CDH18: variants seen among roughly 807,000 people sequenced by gnomAD.
CDH18 encodes the protein cadherin-18.
CDH18 carries 31 observed loss-of-function variants against 67.9 expected under a neutral mutation model. The ratio of observed to expected loss-of-function variants is 0.46; its 90% confidence interval spans 0.34 to 0.62. The LOEUF (loss-of-function observed/expected upper bound fraction) is 0.62, where lower values mean the gene tolerates loss of function less well. Among genes scored for constraint, CDH18 ranks in the 20% least tolerant of loss-of-function variants. The probability of loss-of-function intolerance (pLI) is 0.01; values close to 1 mark genes in which losing one functional copy is unlikely to be tolerated. For missense variants in CDH18, 890 were observed against 975.5 expected (o/e 0.91, Z 1.17); for synonymous variants, 362 against 347.2 (o/e 1.04, Z -0.48).
intron 5 of CDH18, among the ~76,000 whole-genome samples, chr5:19,698,454 T>A (rs189626643): frequency 1.2e-4 from 19 of 152,210 alleles, no homozygotes; most frequent in African/African-American, 4.6e-4. Flanking sequence ...GGATCTTGAC[T>A]ATATCAAAAG....
rs985797421 is a variant in CDH18, at chr5:19,472,241, C to T, written c.*985G>A. Among the ~76,000 whole-genome samples, 1 of 152,102 alleles carries T rather than the reference C, an allele frequency of 6.6e-6. No individual in the cohort carries two copies. Among genetic ancestry groups the T allele is most frequent in the African/African-American group, 2.4e-5 (1 of 41,428 alleles). On this transcript the variant is annotated 3_prime_UTR_variant, in exon 13 of 13. Coordinates refer to ENST00000382275, the MANE Select transcript of CDH18 (RefSeq NM_004934.5). ...TGTGTGAGGTACTTATTTTTAATTA[C>T]TGCTCGTGTTGAAAATAAGTGAATT... is the stretch of plus-strand genomic sequence containing the variant.
intron 2 of CDH18, among the ~76,000 whole-genome samples, chr5:20,048,745 T>C (rs1379052197): frequency 6.6e-6 from 1 of 151,608 alleles, no homozygotes; most frequent in African/African-American, 2.4e-5. Flanking sequence ...AGATATTCAA[T>C]AAATCTTCTG....
chr5:20,388,803 T>C (rs1744553039), intron 1 of CDH18, among the ~76,000 whole-genome samples: 1 of 152,218 alleles, frequency 6.6e-6, no homozygotes, highest in Non-Finnish European at 1.5e-5. Context: ...GATTTCGTTA[T>C]GTACCCAGTA....
chr5:20,525,801 TACACACACACACACACAC>T (rs61256041), intron 1 of CDH18, among the ~76,000 whole-genome samples: 3 of 148,938 alleles, frequency 2.0e-5, no homozygotes, highest in South Asian at 4.2e-4. Context: ...GCTTCCACTA[TACACACACACACACACAC>T]ACACACACAC....
In CDH18 at chr5:19,753,936, T is replaced by A. The variant is rs139963671; in HGVS notation, c.229-6700A>T. 1.7e-3 allele frequency among the ~76,000 whole-genome samples: 258 copies of A among 152,250 alleles called. 4 individuals carry two copies. The East Asian group carries it at 0.039, about 23-fold the overall frequency. ...TTCAGAAAAACAAATGCTGAGAGAATTTGTCACTACCAAGCCACCACTACA... is the reference window on the plus strand; with the variant it reads ...TTCAGAAAAACAAATGCTGAGAGAAATTGTCACTACCAAGCCACCACTACA... On this transcript the variant is annotated intron_variant, in intron 3 of 12. Transcript: ENST00000382275.
chr5:20,151,137 T>C (rs1345772867), intron 2 of CDH18, among the ~76,000 whole-genome samples: 1 of 152,004 alleles, frequency 6.6e-6, no homozygotes, highest in African/African-American at 2.4e-5. Context: ...AGTTTTTCAA[T>C]TCATACCCCC....
intron 5 of CDH18, among the ~76,000 whole-genome samples, chr5:19,685,441 C>G (rs1406519896): frequency 2.0e-5 from 3 of 152,168 alleles, no homozygotes; most frequent in Non-Finnish European, 4.4e-5. Context: ...ATTTCCAGCC[C>G]TTTTCTGCCT....
chr5:20,407,833 A>T (rs1428212624), intron 1 of CDH18, among the ~76,000 whole-genome samples: 1 of 152,032 alleles, frequency 6.6e-6, no homozygotes, highest in Admixed American at 6.6e-5. Flanking sequence ...AGGACAGAAA[A>T]CTTATTCAAA....
At chr5:20,152,115 T>A (rs1751160672) in intron 2 of CDH18, among the ~76,000 whole-genome samples, 1 of 146,324 alleles carries the variant, frequency 6.8e-6, no homozygotes, top group Admixed American at 6.9e-5. Flanking sequence ...TTTATAATTA[T>A]ATATAATTAT....
At chr5:19,596,475 T>C (rs771224911) in intron 6 of CDH18, among the ~76,000 whole-genome samples, 1 of 152,204 alleles carries the variant, frequency 6.6e-6, no homozygotes, top group Non-Finnish European at 1.5e-5. Flanking sequence ...AATTAACCAC[T>C]ATTACATAAG....
chr5:19,965,132 A>G (rs912363578), intron 2 of CDH18, among the ~76,000 whole-genome samples: 4 of 152,166 alleles, frequency 2.6e-5, no homozygotes, highest in African/African-American at 9.6e-5. Flanking sequence ...TTTGTAGTTT[A>G]TATGTTTTCT....
chr5:20,230,435 A>G (rs1460458462), intron 2 of CDH18, among the ~76,000 whole-genome samples: 12 of 152,190 alleles, frequency 7.9e-5, no homozygotes, highest in Admixed American at 7.9e-4. Context: ...CTTTAACTCA[A>G]GGACCAGAAA....
chr5:19,520,876 C>G, intron 9 of CDH18, 98 bp from the exon 10 acceptor site: 1 of 1,311,018 alleles, frequency 7.6e-7, no homozygotes, highest in Non-Finnish European at 1.0e-6. Context: ...TCACTGGTTC[C>G]ATATGCCATA....
At chr5:20,257,505 C>T (rs1744339515) in intron 1 of CDH18, among the ~76,000 whole-genome samples, 1 of 151,968 alleles carries the variant, frequency 6.6e-6, no homozygotes, top group African/African-American at 2.4e-5. Flanking sequence ...ACAGGATAAG[C>T]AGCACCCTGT....
At position 19,473,383 on chromosome 5, in the gene CDH18, G is replaced by A. The variant is rs771541531; in HGVS notation, c.2216C>T (p.Ala739Val). The A allele has an allele frequency of 3.1e-6, 5 of 1,613,780 alleles. No individual in the cohort carries two copies. Among genetic ancestry groups the A allele is most frequent in the South Asian group, 1.1e-5 (1 of 91,074 alleles). ...VPPYDSLQTYAYEGQRSEAGS... is the reference protein window; with the variant it reads ...VPPYDSLQTYVYEGQRSEAGS... ...AGCTTCTGATCTCTGACCCTCATAG[G>A]CATAAGTCTGAAGAGAGTCATAAGG... is the stretch of plus-strand genomic sequence containing the variant. Residue 739 changes from alanine to valine, a missense_variant, in exon 13 of 13, where the codon GCC becomes GTC. This residue lies in a region of CDH18 where 656 missense variants were observed against 668.1 expected (regional missense o/e 0.98). Coordinates refer to ENST00000382275, the MANE Select transcript of CDH18 (RefSeq NM_004934.5).
At chr5:20,491,374 A>C (rs1175189988) in intron 1 of CDH18, among the ~76,000 whole-genome samples, 2 of 152,150 alleles carry the variant, frequency 1.3e-5, no homozygotes, top group Non-Finnish European at 2.9e-5. Flanking sequence ...GGAAATTTTT[A>C]AAGAGGGGAA....
chr5:20,535,716 T>C (rs569740758), intron 1 of CDH18, among the ~76,000 whole-genome samples: 1 of 152,152 alleles, frequency 6.6e-6, no homozygotes, highest in African/African-American at 2.4e-5. Context: ...TTTTACCTAA[T>C]GAATTCTGAT....
intron 2 of CDH18, among the ~76,000 whole-genome samples, chr5:20,111,546 CTTTTT>C (rs760458451): frequency 9.6e-5 from 5 of 51,940 alleles, no homozygotes; most frequent in African/African-American, 1.8e-4. Flanking sequence ...TTCCTTCTTT[CTTTTT>C]TTTTTTTTTT....
At chr5:20,107,624 A>G (rs1268395492) in intron 2 of CDH18, among the ~76,000 whole-genome samples, 1 of 152,180 alleles carries the variant, frequency 6.6e-6, no homozygotes, top group African/African-American at 2.4e-5. Flanking sequence ...AGTGACTACA[A>G]GTCCAACAAG....
Sources: gnomAD v4.1 joint callset for allele counts (sites outside exome capture counted in the v4.1 genomes callset) on GRCh38, gnomAD v4.1.1 for gene constraint, gnomAD v4.1.1 regional missense constraint, MANE v1.5 for transcripts, NCBI Gene and HGNC (gene_info 2026-07-23, HGNC 2026-07-21) for gene names.